Variants in NBAS observed in about 807,000 individuals in gnomAD.
NBAS encodes NBAS subunit of NRZ tethering complex, also known as NAG/BC035112 fusion.
A neutral mutation model predicts 302.5 loss-of-function variants in NBAS; 219 were observed. That is an observed-to-expected ratio of 0.72 (90% confidence interval 0.65 to 0.81). The LOEUF (loss-of-function observed/expected upper bound fraction) is 0.81, where lower values mean the gene tolerates loss of function less well. Ranked by LOEUF, NBAS falls within the 30% of genes least tolerant of loss-of-function variation. The probability of loss-of-function intolerance (pLI) is 0.00; values close to 1 mark genes in which losing one functional copy is unlikely to be tolerated. For synonymous variants in NBAS, 1,118 were observed against 1,021.6 expected, an observed-to-expected ratio of 1.09 and a Z score of -1.80; for missense variants, 2,932 against 2,841.6, an observed-to-expected ratio of 1.03 and a Z score of -0.72.
the NBAS span, among the ~76,000 whole-genome samples, chr2:15,086,215 C>A: frequency 6.6e-6 from 1 of 152,116 alleles, no homozygotes; most frequent in African/African-American, 2.4e-5. Flanking sequence ...ATCAGGAAGA[C>A]CAGTTGCAGA....
At chr2:15,187,346 C>G (rs1024996673) in intron 49 of NBAS, among the ~76,000 whole-genome samples, 8 of 152,068 alleles carry the variant, frequency 5.3e-5, no homozygotes, top group Non-Finnish European at 1.2e-4. Flanking sequence ...TCACACATTA[C>G]TATTTACTAC....
intron 44 of NBAS, among the ~76,000 whole-genome samples, chr2:15,245,898 T>A (rs1351303994): frequency 6.6e-6 from 1 of 152,200 alleles, no homozygotes; most frequent in Non-Finnish European, 1.5e-5. Flanking sequence ...TTTAAAAAGA[T>A]GTAAAAGCCA....
At chr2:15,263,759 A>G (rs1199243713) in intron 44 of NBAS, among the ~76,000 whole-genome samples, 1 of 152,120 alleles carries the variant, frequency 6.6e-6, no homozygotes, top group African/African-American at 2.4e-5. Context: ...CTCCAGCTCC[A>G]CTGACTCTAT....
intron 31 of NBAS, among the ~76,000 whole-genome samples, chr2:15,373,010 AAG>A (rs1674563597): frequency 6.6e-6 from 1 of 152,108 alleles, no homozygotes; most frequent in African/African-American, 2.4e-5. Context: ...ATGGCCTAAC[AAG>A]AGATACAAAC....
intron 49 of NBAS, 124 bp downstream of exon 49, chr2:15,190,140 C>A: frequency 9.0e-7 from 1 of 1,115,152 alleles, no homozygotes. Context: ...CCTCTAAAGG[C>A]AAATACTGAC....
At chr2:15,486,079 T>C (rs1680616501) in intron 12 of NBAS, among the ~76,000 whole-genome samples, 1 of 152,150 alleles carries the variant, frequency 6.6e-6, no homozygotes, top group Admixed American at 6.5e-5. Context: ...CGGCCTGTGC[T>C]GTGATGAACT....
At chr2:15,173,194 C>G (rs1398708347) in intron 51 of NBAS, among the ~76,000 whole-genome samples, 1 of 152,158 alleles carries the variant, frequency 6.6e-6, no homozygotes, top group Non-Finnish European at 1.5e-5. Flanking sequence ...CTTTACAGAT[C>G]TTGGGAAAGA....
chr2:15,223,752 T>C (rs756284512), intron 47 of NBAS, among the ~76,000 whole-genome samples: 1 of 150,494 alleles, frequency 6.6e-6, no homozygotes, highest in Non-Finnish European at 1.5e-5. Context: ...TCGCTTGAAC[T>C]AGGGAGTCAG....
the NBAS span, among the ~76,000 whole-genome samples, chr2:15,025,188 GC>G: frequency 6.6e-6 from 1 of 152,184 alleles, no homozygotes; most frequent in Non-Finnish European, 1.5e-5. Flanking sequence ...CGTATAGCTA[GC>G]CAGTTATCCC....
intron 27 of NBAS, 141 bp downstream of exon 27, chr2:15,396,272 G>A: frequency 1.6e-6 from 1 of 623,660 alleles, no homozygotes; most frequent in African/African-American, 1.9e-5. Flanking sequence ...ATTTGTTGTT[G>A]AGAAAATTCA....
At chr2:14,814,766 G>A in the NBAS span, among the ~76,000 whole-genome samples, 358 of 152,270 alleles carry the variant, frequency 2.4e-3, no homozygotes, top group African/African-American at 7.8e-3. Flanking sequence ...AATGTGAGCA[G>A]TACATGAAAT....
chr2:14,959,348 A>C, the NBAS span, among the ~76,000 whole-genome samples: 1 of 152,200 alleles, frequency 6.6e-6, no homozygotes, highest in Non-Finnish European at 1.5e-5. Context: ...AGGCCTAACA[A>C]TGTACCACCA....
At chr2:15,554,159 T>A (rs1276905080) in intron 3 of NBAS, 21 bp from the exon 4 acceptor site, 2 of 1,602,372 alleles carry the variant, frequency 1.2e-6, no homozygotes, top group Non-Finnish European at 1.7e-6. Flanking sequence ...AACACATTAG[T>A]TAGCTTAAAA....
intron 9 of NBAS, among the ~76,000 whole-genome samples, chr2:15,517,012 A>G (rs1352599556): frequency 6.6e-6 from 1 of 152,180 alleles, no homozygotes; most frequent in African/African-American, 2.4e-5. Flanking sequence ...CAACTTGACA[A>G]TATCAAATAA....
At chr2:15,448,409 A>G (rs1678852106) in intron 21 of NBAS, among the ~76,000 whole-genome samples, 1 of 152,182 alleles carries the variant, frequency 6.6e-6, no homozygotes, top group East Asian at 1.9e-4. Context: ...CTTAATCATA[A>G]GTACCTCTAC....
At chr2:14,926,248 C>T in the NBAS span, among the ~76,000 whole-genome samples, 1 of 152,218 alleles carries the variant, frequency 6.6e-6, no homozygotes, top group Non-Finnish European at 1.5e-5. Flanking sequence ...CCTACCTCCA[C>T]TGCAGCTAGA....
chr2:14,803,202 G>A, the NBAS span, among the ~76,000 whole-genome samples: 1 of 152,124 alleles, frequency 6.6e-6, no homozygotes, highest in Non-Finnish European at 1.5e-5. Context: ...TCTGGGGTTT[G>A]CCTCTAGCTA....
chr2:15,539,435 G>A (rs970708515), intron 6 of NBAS, 79 bp from the exon 7 acceptor site: 9 of 1,516,238 alleles, frequency 5.9e-6, no homozygotes, highest in Middle Eastern at 1.7e-4. Flanking sequence ...TGCAACTAAA[G>A]TAAGTATTCA....
chr2:15,195,650 T>C (rs545336537), intron 48 of NBAS, among the ~76,000 whole-genome samples: 10 of 152,182 alleles, frequency 6.6e-5, no homozygotes, highest in African/African-American at 1.2e-4. Flanking sequence ...TCTAAAATAA[T>C]TGGTTGCAGC....
Sources: gnomAD v4.1 joint callset for allele counts (sites outside exome capture counted in the v4.1 genomes callset) on GRCh38, gnomAD v4.1.1 for gene constraint, MANE v1.5 for transcripts, NCBI Gene and HGNC (gene_info 2026-07-23, HGNC 2026-07-21) for gene names.